Variants in PTPRG observed in about 807,000 individuals in gnomAD.
PTPRG encodes the protein receptor-type tyrosine-protein phosphatase gamma.
In PTPRG, 102 loss-of-function variants were observed where a neutral mutation model predicts 165.3. That is an observed-to-expected ratio of 0.62 (90% CI 0.53 to 0.73). The LOEUF is 0.73. Ranked by LOEUF, PTPRG falls within the 30% of genes least tolerant of loss-of-function variation. The pLI is 0.00. For missense variants in PTPRG, 1,866 were observed against 1,861.4 expected (o/e 1.00, Z -0.05); for synonymous variants, 675 against 669.5 (o/e 1.01, Z -0.13).
chr3:62,056,282 CA>C (rs1017989847), intron 4 of PTPRG, among the ~76,000 whole-genome samples: 1 of 152,176 alleles, frequency 6.6e-6, no homozygotes, highest in Non-Finnish European at 1.5e-5. Context: ...TCGTTCTGTA[CA>C]AAGGGTATAG....
chr3:61,776,684 G>GCCT (rs1192290839), intron 2 of PTPRG, among the ~76,000 whole-genome samples: 1 of 151,344 alleles, frequency 6.6e-6, no homozygotes, highest in Non-Finnish European at 1.5e-5. Flanking sequence ...ATTATCTGTA[G>GCCT]CCTTATATTT....
At chr3:61,999,116 G>A (rs977949460) in intron 3 of PTPRG, among the ~76,000 whole-genome samples, 4 of 152,040 alleles carry the variant, frequency 2.6e-5, no homozygotes, top group African/African-American at 9.6e-5. Flanking sequence ...GCATTATCTC[G>A]ATCACCGCAG....
rs530499443 is a variant in PTPRG at position 61,669,693 on chromosome 3, T to C, written c.86-79185T>C. ...GCTGCACAGGTTTTTCTTAACGTTCTGTAGGATACACATTACTTTTTCTAC... is the reference window on the plus strand; with the variant it reads ...GCTGCACAGGTTTTTCTTAACGTTCCGTAGGATACACATTACTTTTTCTAC... On this transcript the variant is annotated intron_variant, in intron 1 of 29. Coordinates refer to ENST00000474889, the MANE Select transcript of PTPRG (RefSeq NM_002841.4). 3.8e-4 allele frequency among the ~76,000 whole-genome samples: 58 copies of C among 152,344 alleles called. 1 individual carries two copies. In the South Asian group the frequency reaches 0.012, roughly 32 times the overall value.
chr3:62,017,505 T>TC (rs568063791), intron 4 of PTPRG, among the ~76,000 whole-genome samples: 36 of 151,532 alleles, frequency 2.4e-4, no homozygotes, highest in African/African-American at 8.0e-4. Context: ...GAGCTCCGCC[T>TC]CCCGGGTTCA....
chr3:61,613,977 AAAT>A (rs1701243886), intron 1 of PTPRG, among the ~76,000 whole-genome samples: 2 of 152,194 alleles, frequency 1.3e-5, no homozygotes, highest in Admixed American at 6.5e-5. Context: ...AGTGCTCTCT[AAAT>A]TTACTGCTAT....
chr3:62,049,343 A>T (rs894152709), intron 4 of PTPRG, among the ~76,000 whole-genome samples: 1 of 152,182 alleles, frequency 6.6e-6, no homozygotes, highest in South Asian at 2.1e-4. Flanking sequence ...AGTTAGTGAG[A>T]TGTTTCGCCA....
At chr3:61,770,243 A>G (rs1030716293) in intron 2 of PTPRG, 2 of 152,108 alleles carry the variant, frequency 1.3e-5, no homozygotes, top group African/African-American at 2.4e-5. Context: ...TTGGTCCTCA[A>G]TTTGTGCAAT....
At chr3:62,163,641 C>G (rs1375588142) in intron 7 of PTPRG, among the ~76,000 whole-genome samples, 1 of 152,164 alleles carries the variant, frequency 6.6e-6, no homozygotes, top group Non-Finnish European at 1.5e-5. Context: ...TTGTTGTAAG[C>G]TTAGAGTACA....
Position 61,904,908 on chromosome 3 carries a change from G to GT in PTPRG, c.191-84717_191-84716insT, listed in dbSNP as rs1372656675. ...AGTGATCTTTGATTCTAATTGGAAA[G>GT]CCTTTTTTTTTTTGATGCTCAAAAG... On this transcript the variant is annotated intron_variant, in intron 2 of 29. Coordinates refer to ENST00000474889, the MANE Select transcript of PTPRG (RefSeq NM_002841.4). Among the ~76,000 whole-genome samples the GT allele has an allele frequency of 4.1e-5, 6 of 147,340 alleles. No homozygotes were observed. The East Asian group carries it at 1.6e-3, about 39-fold the overall frequency.
At position 62,296,505 on chromosome 3, in the gene PTPRG, C is replaced by T. The variant is rs957334573; in HGVS notation, c.*3198C>T. 1 of 150,756 alleles carries T rather than the reference C, an allele frequency of 6.6e-6. No homozygotes were observed. The highest frequency in any genetic ancestry group is 2.4e-5 in the African/African-American group (1 of 40,832). The allele number at this position is 150,756 out of a possible 1,614,324, so 9.3% of individuals were successfully genotyped here. On this transcript the variant is annotated 3_prime_UTR_variant, in exon 30 of 30. Transcript: ENST00000474889. ...ATTCTAAGCAAAACTAAAAAAAAAA[C>T]CCAACTCATCATAATTTAAGAATCA...
chr3:61,832,697 AT>A (rs900207899), intron 2 of PTPRG, among the ~76,000 whole-genome samples: 5 of 152,140 alleles, frequency 3.3e-5, no homozygotes, highest in Admixed American at 1.3e-4. Context: ...TTTAAAAAAA[AT>A]ATTTATTTCT....
chr3:62,064,274 C>T (rs1276445677), intron 4 of PTPRG, among the ~76,000 whole-genome samples: 1 of 152,138 alleles, frequency 6.6e-6, no homozygotes. Flanking sequence ...CAGACGTGAG[C>T]CTTCCCTTGC....
intron 8 of PTPRG, among the ~76,000 whole-genome samples, chr3:62,191,127 G>A (rs565264494): frequency 1.7e-4 from 26 of 151,320 alleles, no homozygotes; most frequent in Middle Eastern, 3.5e-3. Flanking sequence ...ACATGTGTGC[G>A]TGTGTGCGTC....
chr3:61,691,365 C>T (rs1000220740), intron 1 of PTPRG, among the ~76,000 whole-genome samples: 8 of 152,154 alleles, frequency 5.3e-5, no homozygotes, highest in Non-Finnish European at 1.0e-4. Flanking sequence ...TGTGATCACA[C>T]CACTGCACTC....
chr3:61,621,317 C>A (rs1217195956), intron 1 of PTPRG, among the ~76,000 whole-genome samples: 1 of 152,030 alleles, frequency 6.6e-6, no homozygotes, highest in African/African-American at 2.4e-5. Flanking sequence ...TCCTTCCATC[C>A]TGCAGGGATC....
intron 4 of PTPRG, among the ~76,000 whole-genome samples, chr3:62,073,809 C>A (rs1408367185): frequency 6.6e-6 from 1 of 152,140 alleles, no homozygotes; most frequent in African/African-American, 2.4e-5. Flanking sequence ...GAAATTTCTG[C>A]CCTGTACGCT....
intron 1 of PTPRG, among the ~76,000 whole-genome samples, chr3:61,649,168 C>T (rs899401309): frequency 6.7e-6 from 1 of 148,168 alleles, no homozygotes; most frequent in African/African-American, 2.5e-5. Context: ...CCCTTCTTTC[C>T]CTCCCTCCTT....
chr3:61,813,798 G>A (rs1559626311), intron 2 of PTPRG, among the ~76,000 whole-genome samples: 1 of 151,730 alleles, frequency 6.6e-6, no homozygotes, highest in African/African-American at 2.4e-5. Context: ...GTCTCGAAGT[G>A]GTTTGTTTAT....
chr3:61,906,757 C>T (rs1205952807), intron 2 of PTPRG, among the ~76,000 whole-genome samples: 1 of 151,544 alleles, frequency 6.6e-6, no homozygotes, highest in Admixed American at 6.6e-5. Flanking sequence ...TCTAGCTGGG[C>T]TGGGAGACAG....
Sources: gnomAD v4.1 joint callset for allele counts (sites outside exome capture counted in the v4.1 genomes callset) on GRCh38, gnomAD v4.1.1 for gene constraint, MANE v1.5 for transcripts, NCBI Gene and HGNC (gene_info 2026-07-23, HGNC 2026-07-21) for gene names.